The following TEX46 variants were observed in gnomAD, a reference collection of about 807,000 sequenced individuals.
The protein encoded by TEX46 is testis expressed 46.
A neutral mutation model predicts 5.3 loss-of-function variants in TEX46; 6 were observed. That is an observed-to-expected ratio of 1.13 (90% CI 0.62 to 2.23). TEX46 has a LOEUF of 2.23. Among genes scored for constraint, TEX46 ranks in the 30% most tolerant of loss-of-function variants. The probability of loss-of-function intolerance (pLI) is 0.00; values close to 1 mark genes in which losing one functional copy is unlikely to be tolerated. For synonymous variants in TEX46, 41 were observed against 54.6 expected, an observed-to-expected ratio of 0.75 and a Z score of 1.10; for missense variants, 131 against 150.9, an observed-to-expected ratio of 0.87 and a Z score of 0.69.
chr1:23,014,553 ATTATT>A (rs1641395042), intron 1 of TEX46, among the ~76,000 whole-genome samples: 3 of 151,798 alleles, frequency 2.0e-5, no homozygotes, highest in Admixed American at 2.0e-4. Flanking sequence ...TTTATTTATT[ATTATT>A]TTATTTTATT....
intron 2 of TEX46, among the ~76,000 whole-genome samples, chr1:23,012,330 G>A (rs778074069): frequency 2.7e-5 from 4 of 149,206 alleles, no homozygotes; most frequent in East Asian, 2.0e-4. Context: ...GCCACAGAGC[G>A]AGACCCTGTC....
At chr1:23,014,421 T>G (rs1641393574) in intron 1 of TEX46, among the ~76,000 whole-genome samples, 1 of 152,176 alleles carries the variant, frequency 6.6e-6, no homozygotes, top group African/African-American at 2.4e-5. Context: ...TAGACATAAC[T>G]GCTTTCACAG....
chr1:23,011,826 C>T (rs1366528259), intron 2 of TEX46, among the ~76,000 whole-genome samples: 1 of 152,190 alleles, frequency 6.6e-6, no homozygotes, highest in Non-Finnish European at 1.5e-5. Flanking sequence ...ATCTGCCAGT[C>T]ACAGTGGACA....
chr1:23,013,307 G>T (rs1429172285), intron 2 of TEX46, among the ~76,000 whole-genome samples: 1 of 152,064 alleles, frequency 6.6e-6, no homozygotes, highest in African/African-American at 2.4e-5. Context: ...TGAGTAGCTG[G>T]TATTACAGGT....
At chr1:23,013,310 T>C (rs1303776023) in intron 2 of TEX46, among the ~76,000 whole-genome samples, 1 of 152,092 alleles carries the variant, frequency 6.6e-6, no homozygotes, top group African/African-American at 2.4e-5. Flanking sequence ...GTAGCTGGTA[T>C]TACAGGTGTG....
Position 23,014,000 on chromosome 1 carries a change from C to T in TEX46, c.48G>A (p.Val16=). ...GCTTATAGCTCATCAGCCAAGCTGCCACTGCTCCTATGGTGCCTGCGGAGG... is the reference window on the plus strand; with the variant it reads ...GCTTATAGCTCATCAGCCAAGCTGCTACTGCTCCTATGGTGCCTGCGGAGG... ...ILASAGTIGA[V]AAWLMSYKPA... is the part of the protein sequence containing the mutation. Residue 16 remains valine, a synonymous_variant, in exon 2 of 3, where the codon GTG becomes GTA. Coordinates refer to ENST00000566855, the MANE Select transcript of TEX46 (RefSeq NM_001242521.2). 1 of 1,536,084 alleles carries T rather than the reference C, an allele frequency of 6.5e-7. No homozygotes were observed.
Position 23,010,977 on chromosome 1 carries a change from A to G in TEX46, c.290T>C (p.Met97Thr). ...GRSSRHRNFP[M>T]KKHRMRRHES... ...ATGCCTCCTCATTCTGTGTTTTTTCATGGGAAAATTCCGATGTCTGCTTGA... is the reference window on the plus strand; with the variant it reads ...ATGCCTCCTCATTCTGTGTTTTTTCGTGGGAAAATTCCGATGTCTGCTTGA... The change falls in exon 3 of 3, where the codon ATG becomes ACG. Residue 97 changes from methionine to threonine, a missense_variant. By Grantham distance (81) the Met-to-Thr change is moderately conservative. Transcript: ENST00000566855. 1 of 1,535,710 alleles carries G rather than the reference A, an allele frequency of 6.5e-7. No homozygotes were observed.
At chr1:23,015,345 A>G (rs1222460905) in intron 1 of TEX46, among the ~76,000 whole-genome samples, 1 of 143,282 alleles carries the variant, frequency 7.0e-6, no homozygotes, top group African/African-American at 2.6e-5. Context: ...CTGAGGCAGG[A>G]GAATTGCTGG....
chr1:23,011,057 C>T lies in TEX46; in HGVS notation c.210G>A (p.Lys70=). ...TGATGAACATCTGATTTTCTAGGACCTTCATCTTCATTTCACTGAACAACA... is the reference window on the plus strand; with the variant it reads ...TGATGAACATCTGATTTTCTAGGACTTTCATCTTCATTTCACTGAACAACA... ...QRLLFSEMKM[K]VLENQMFIIW... is the part of the protein sequence containing the mutation. Residue 70 remains lysine (K), a synonymous_variant, in exon 3 of 3, where the codon AAG becomes AAA. Coordinates refer to ENST00000566855, the MANE Select transcript of TEX46 (RefSeq NM_001242521.2). The T allele has an allele frequency of 6.5e-7, 1 of 1,535,862 alleles. No homozygotes were observed. Among genetic ancestry groups the T allele is most frequent in the Non-Finnish European group, 8.7e-7 (1 of 1,146,794 alleles).
rs766520299 is a variant in TEX46, at chr1:23,010,992, T to C, written c.275A>G (p.His92Arg). 1.0e-5 allele frequency: 16 copies of C among 1,535,920 alleles called. 2 individuals are homozygous for C. The highest frequency in any genetic ancestry group is 7.1e-5 in the South Asian group (6 of 84,052). The stretch of plus-strand genomic sequence containing the variant: ...GTGTTTTTTCATGGGAAAATTCCGA[T>C]GTCTGCTTGACCGCCCGTGGTGATT... ...KMNHHGRSSR[H>R]RNFPMKKHRM... is the part of the protein sequence containing the mutation. The change falls in exon 3 of 3, where the codon CAT (histidine) becomes CGT (arginine). Residue 92 changes from histidine to arginine, a missense_variant. Physicochemically the swap from His to Arg is conservative, Grantham distance 29 (BLOSUM62 0). Transcript: ENST00000566855.
In TEX46 at chr1:23,013,678, T is replaced by C. The variant is rs1360945486; in HGVS notation, c.165+205A>G. Among the ~76,000 whole-genome samples the C allele has an allele frequency of 5.9e-5, 9 of 152,148 alleles. No individual in the cohort carries two copies. The East Asian group carries it at 1.7e-3, about 29-fold the overall frequency. ...TCTGGGGTGGTCCTGATTTAACAGC[T>C]GAGGTGAGGCAACTGAGGCCTCGTG... On this transcript the variant is annotated intron_variant, in intron 2 of 2. Coordinates refer to ENST00000566855, the MANE Select transcript of TEX46 (RefSeq NM_001242521.2).
Position 23,011,069 on chromosome 1 carries a change from T to A in TEX46, c.198A>T (p.Glu66Asp), listed in dbSNP as rs749548202. The stretch of plus-strand genomic sequence containing the variant: ...GATTTTCTAGGACCTTCATCTTCAT[T>A]TCACTGAACAACAGCCGTTGGAGGA... Reference protein sequence around the residue: ...DEILQRLLFSEMKMKVLENQM... With the variant: ...DEILQRLLFSDMKMKVLENQM... Residue 66 changes from glutamate (E) to aspartate (D), a missense_variant, in exon 3 of 3, where the codon GAA (glutamate) becomes GAT (aspartate). Coordinates refer to ENST00000566855, the MANE Select transcript of TEX46 (RefSeq NM_001242521.2). 7 of 1,536,050 alleles carry A rather than the reference T, an allele frequency of 4.6e-6. No individual in the cohort carries two copies. The highest frequency in any genetic ancestry group is 6.1e-6 in the Non-Finnish European group (7 of 1,146,848).
intron 1 of TEX46, among the ~76,000 whole-genome samples, chr1:23,014,865 C>T (rs1449743948): frequency 1.3e-5 from 2 of 151,908 alleles, no homozygotes; most frequent in East Asian, 1.9e-4. Context: ...TTTTTTGAGA[C>T]AGACTCTCAC....
At chr1:23,014,959 T>G (rs564937783) in intron 1 of TEX46, among the ~76,000 whole-genome samples, 2 of 152,042 alleles carry the variant, frequency 1.3e-5, no homozygotes, top group Non-Finnish European at 2.9e-5. Context: ...TTTCCTGCCT[T>G]AGCCTCCCAA....
intron 1 of TEX46, among the ~76,000 whole-genome samples, chr1:23,015,095 G>A (rs978521461): frequency 4.0e-5 from 6 of 151,774 alleles, no homozygotes; most frequent in South Asian, 4.2e-4. Context: ...TGCCCACCTC[G>A]GCCTCCCAAA....
chr1:23,014,109 C>T (rs1265764022), intron 1 of TEX46, 64 bp from the exon 2 acceptor site: 6 of 1,486,478 alleles, frequency 4.0e-6, no homozygotes, highest in Non-Finnish European at 5.4e-6. Context: ...CAGGACCCTG[C>T]CTCAGGCCCC....
At position 23,013,891 on chromosome 1, in the gene TEX46, G is replaced by A. The variant is rs1398688821; in HGVS notation, c.157C>T (p.Pro53Ser). The A allele has an allele frequency of 9.8e-6, 15 of 1,535,972 alleles. No homozygotes were observed. The highest frequency in any genetic ancestry group is 1.2e-5 in the Non-Finnish European group (14 of 1,146,840). Residue 53 changes from proline to serine, a missense_variant, in exon 2 of 3, where the codon CCC becomes TCC. Physicochemically the swap from Pro to Ser is moderately conservative, Grantham distance 74. Transcript: ENST00000566855. The stretch of plus-strand genomic sequence containing the variant: ...CCCCATCTTGTGCTCACCTGCTGGG[G>A]CTCTGGGAGGGTGAGCTTGTGTTCA... ...KYEHKLTLPE[P>S]QQDEILQRLL...
chr1:23,013,107 G>A (rs772830633), intron 2 of TEX46, among the ~76,000 whole-genome samples: 6 of 151,992 alleles, frequency 3.9e-5, no homozygotes, highest in Non-Finnish European at 5.9e-5. Flanking sequence ...TCAAGTGGTC[G>A]TTGACCTGCC....
At chr1:23,012,471 A>C (rs930497876) in intron 2 of TEX46, among the ~76,000 whole-genome samples, 3 of 152,222 alleles carry the variant, frequency 2.0e-5, no homozygotes, top group Non-Finnish European at 4.4e-5. Context: ...AATATCATAA[A>C]TATAACTAAA....
Sources: gnomAD v4.1 joint callset for allele counts (sites outside exome capture counted in the v4.1 genomes callset) on GRCh38, gnomAD v4.1.1 for gene constraint, MANE v1.5 for transcripts, NCBI Gene and HGNC (gene_info 2026-07-23, HGNC 2026-07-21) for gene names.